The following CLHC1 variants were observed in gnomAD, a reference collection of about 807,000 sequenced individuals.
CLHC1 encodes the protein clathrin heavy chain linker domain containing 1, also known as clathrin heavy chain linker domain-containing protein 1.
Under a neutral mutation model 69.5 loss-of-function variants are expected in CLHC1, and 72 were observed. The ratio of observed to expected loss-of-function variants is 1.04; its 90% CI spans 0.86 to 1.26. The LOEUF is 1.26. Ranked by LOEUF, CLHC1 falls within the 50% of genes most tolerant of loss-of-function variation. The pLI is 0.00. For synonymous variants in CLHC1, 223 were observed against 224.3 expected (o/e 0.99, Z 0.05); for missense variants, 790 against 679.3 (o/e 1.16, Z -1.81).
intron 4 of CLHC1, among the ~76,000 whole-genome samples, chr2:55,213,741 ATT>A (rs1673224907): frequency 6.6e-6 from 1 of 152,206 alleles, no homozygotes; most frequent in African/African-American, 2.4e-5. Context: ...CAGAAAAATT[ATT>A]TTTGACACTT....
chr2:55,207,662 T>C (rs932618149), intron 8 of CLHC1, among the ~76,000 whole-genome samples: 1 of 152,202 alleles, frequency 6.6e-6, no homozygotes, highest in African/African-American at 2.4e-5. Context: ...AGTCTTACTA[T>C]GTATTAAAAA....
At chr2:55,223,526 C>T (rs1573779672) in intron 2 of CLHC1, among the ~76,000 whole-genome samples, 1 of 152,140 alleles carries the variant, frequency 6.6e-6, no homozygotes, top group Non-Finnish European at 1.5e-5. Context: ...TGCTGTGCTC[C>T]GAGCGCCAAG....
intron 4 of CLHC1, among the ~76,000 whole-genome samples, chr2:55,216,974 C>T (rs1181586975): frequency 6.6e-6 from 1 of 151,840 alleles, no homozygotes; most frequent in Non-Finnish European, 1.5e-5. Context: ...ATGGTGAGAC[C>T]CCAGTCTCTA....
chr2:55,227,839 C>G (rs1314454422), intron 2 of CLHC1, among the ~76,000 whole-genome samples, 193 bp downstream of exon 2: 1 of 101,050 alleles, frequency 9.9e-6, no homozygotes, highest in Non-Finnish European at 1.9e-5. Context: ...CCTTCAGAAA[C>G]TAATGACTCT....
chr2:55,223,688 G>A (rs1301559872), intron 2 of CLHC1, among the ~76,000 whole-genome samples: 1 of 152,172 alleles, frequency 6.6e-6, no homozygotes, highest in Non-Finnish European at 1.5e-5. Flanking sequence ...CCCGCTCAGC[G>A]GTCCCTGCTC....
chr2:55,209,029 C>G (rs948103314), intron 7 of CLHC1, among the ~76,000 whole-genome samples: 1 of 152,114 alleles, frequency 6.6e-6, no homozygotes, highest in African/African-American at 2.4e-5. Flanking sequence ...TGCAACCACA[C>G]CCGGCTAATT....
Position 55,175,077 on chromosome 2 carries a change from C to T in CLHC1, c.*713G>A, listed in dbSNP as rs1411315786. ...AAATATTTTTAATATTACACCTGTC[C>T]ATGGCACAGAACTTTCAGAGTTTTC... On this transcript the variant is annotated 3_prime_UTR_variant, in exon 13 of 13. Coordinates refer to ENST00000401408, the MANE Select transcript of CLHC1 (RefSeq NM_152385.4). 6.6e-6 allele frequency: 1 copy of T among 152,046 alleles called. No individual in the cohort carries two copies. The highest frequency in any genetic ancestry group is 2.4e-5 in the African/African-American group (1 of 41,326). The allele number at this position is 152,046 out of a possible 1,614,324, so 9.4% of individuals were successfully genotyped here.
In CLHC1 at chr2:55,194,151, C is replaced by G. The variant is rs144522081; in HGVS notation, c.1006+12119G>C. 3.2e-3 allele frequency among the ~76,000 whole-genome samples: 479 copies of G among 151,998 alleles called. 1 individual carries two copies. The highest frequency in any genetic ancestry group is 0.01 in the Middle Eastern group (3 of 294). On this transcript the variant is annotated intron_variant, in intron 9 of 12. Transcript: ENST00000401408. Reference sequence around the variant, plus strand: ...CCAGGGAATGAGGAGTTAATGGGTACAAAGTTTATTTTTGTAATGATGAAA... The same window carrying G: ...CCAGGGAATGAGGAGTTAATGGGTAGAAAGTTTATTTTTGTAATGATGAAA...
intron 1 of CLHC1, among the ~76,000 whole-genome samples, chr2:55,229,360 T>C (rs1456676567): frequency 2.0e-5 from 3 of 151,786 alleles, no homozygotes; most frequent in Non-Finnish European, 4.4e-5. Context: ...AATCTGAAAA[T>C]AGCAGGTCAT....
chr2:55,232,228 G>C lies in CLHC1; in HGVS notation c.-261C>G, dbSNP rs905627348. The stretch of plus-strand genomic sequence containing the variant: ...ATTATTCCGCTTCATCCTACCTCCA[G>C]TCCTCACCTGAGTCCTTTTCTCCAA... On this transcript the variant is annotated 5_prime_UTR_variant, in exon 1 of 13. Coordinates refer to ENST00000401408, the MANE Select transcript of CLHC1 (RefSeq NM_152385.4). 5.7e-6 allele frequency: 1 copy of C among 175,766 alleles called. No individual in the cohort carries two copies. Among genetic ancestry groups the C allele is most frequent in the Non-Finnish European group, 1.2e-5 (1 of 80,184 alleles). 10.9% of individuals were successfully genotyped at this position (175,766 alleles called of 1,614,324 possible). A position where few individuals can be genotyped will look rare whatever the true frequency, so the allele number is the denominator to read the frequency against.
chr2:55,217,836 T>A lies in CLHC1; in HGVS notation c.340A>T (p.Lys114Ter). 1 of 1,565,636 alleles carries A rather than the reference T, an allele frequency of 6.4e-7. No homozygotes were observed. Among genetic ancestry groups the A allele is most frequent in the Non-Finnish European group, 8.6e-7 (1 of 1,161,482 alleles). ...TTTGCTTCAAGTTGGATTGTTCTTT[T>A]CCTGTAATATACCAAAGCTGTAGGC... ...AEPTALVYYRKRTIQLEAKMR... is the reference protein window; with the variant it reads ...AEPTALVYYR The change falls in exon 4 of 13, where the codon AAA (lysine) becomes TAA (stop). Residue 114 changes from lysine (K) to a stop codon, truncating the protein, a stop_gained. Coordinates refer to ENST00000401408, the MANE Select transcript of CLHC1 (RefSeq NM_152385.4). LOFTEE classifies it high-confidence loss of function.
At chr2:55,209,263 G>A in intron 7 of CLHC1, 141 bp downstream of exon 7, 1 of 600,888 alleles carries the variant, frequency 1.7e-6, no homozygotes, top group Non-Finnish European at 3.0e-6. Flanking sequence ...GTTGAAGGAA[G>A]AAACCCATAG....
chr2:55,222,308 G>A lies in CLHC1; in HGVS notation c.104C>T (p.Thr35Ile), dbSNP rs1674208151. Residue 35 changes from threonine to isoleucine, a missense_variant, in exon 3 of 13, where the codon ACT becomes ATT. Transcript: ENST00000401408. ...ESVQRYIITE[T>I]ERLGCSEEGP... ...TTCCTCACTACAGCCCAGTCTTTCA[G>A]TTTCTGTAATTATGTATCTTTGCAC... The A allele has an allele frequency of 6.2e-7, 1 of 1,613,504 alleles. No individual in the cohort carries two copies. Among genetic ancestry groups the A allele is most frequent in the Admixed American group, 1.7e-5 (1 of 59,992 alleles).
chr2:55,222,676 T>G (rs949682288), intron 2 of CLHC1, among the ~76,000 whole-genome samples, 183 bp from the exon 3 acceptor site: 6 of 152,102 alleles, frequency 3.9e-5, no homozygotes, highest in Admixed American at 1.3e-4. Flanking sequence ...TCCCAGCTCT[T>G]TGGGAGGCCG....
rs373757855 is a variant in CLHC1 at position 55,188,701 on chromosome 2, C to T, written c.1007-6957G>A. ...AGAAACCACCTACATGTCAATCCACCGCAGAACAGATAAATACATTGTAGT... is the reference window on the plus strand; with the variant it reads ...AGAAACCACCTACATGTCAATCCACTGCAGAACAGATAAATACATTGTAGT... On this transcript the variant is annotated intron_variant, in intron 9 of 12. Transcript: ENST00000401408. Among the ~76,000 whole-genome samples, 10 of 151,724 alleles carry T rather than the reference C, an allele frequency of 6.6e-5. No homozygotes were observed. In the East Asian group the frequency reaches 7.7e-4, roughly 12 times the overall value.
upstream of CLHC1, chr2:55,232,352 C>G: frequency 3.7e-6 from 1 of 266,776 alleles, no homozygotes; most frequent in South Asian, 4.0e-5. Context: ...CAGTGGAGAA[C>G]TACAGTTCCC....
At position 55,227,723 on chromosome 2, in the gene CLHC1, C is replaced by T. The variant is rs1041218394; in HGVS notation, c.-83+309G>A. On this transcript the variant is annotated intron_variant, in intron 2 of 12. Coordinates refer to ENST00000401408, the MANE Select transcript of CLHC1 (RefSeq NM_152385.4). ...AGATAAAAGTCAAAAGAGGAAGAAA[C>T]GGGTGTTATCATTAGAGAGGGGGTA... Among the ~76,000 whole-genome samples the T allele has an allele frequency of 6.0e-5, 9 of 149,834 alleles. No homozygotes were observed. The East Asian group carries it at 1.4e-3, about 23-fold the overall frequency.
At chr2:55,232,146 C>T (rs75079111) in intron 1 of CLHC1, 77 bp downstream of exon 1, 2,338 of 155,584 alleles carry the variant, frequency 0.015, 63 homozygotes, top group African/African-American at 0.054. Flanking sequence ...GCACCCTTTG[C>T]CCCCCGCTTA....
At chr2:55,231,181 CGGA>C (rs1416862403) in intron 1 of CLHC1, among the ~76,000 whole-genome samples, 1 of 147,666 alleles carries the variant, frequency 6.8e-6, no homozygotes, top group African/African-American at 2.5e-5. Flanking sequence ...ACCTGGGAGG[CGGA>C]GTTTACAGTG....
Sources: gnomAD v4.1 joint callset for allele counts (sites outside exome capture counted in the v4.1 genomes callset) on GRCh38, gnomAD v4.1.1 for gene constraint, MANE v1.5 for transcripts, NCBI Gene and HGNC (gene_info 2026-07-23, HGNC 2026-07-21) for gene names.